CRB1: variants seen among roughly 807,000 people sequenced by gnomAD.
CRB1 encodes crumbs cell polarity complex component 1, also known as protein crumbs homolog 1.
Under a neutral mutation model 120.0 loss-of-function variants are expected in CRB1, and 83 were observed. The observed-to-expected ratio is 0.69, with a 90% CI of 0.58 to 0.83. CRB1 has a LOEUF of 0.83. Ranked by LOEUF, CRB1 falls within the 40% of genes least tolerant of loss-of-function variation. The pLI is 0.00. For synonymous variants in CRB1, 625 were observed against 612.5 expected (o/e 1.02, Z -0.30); for missense variants, 1,699 against 1,687.6 (o/e 1.01, Z -0.12).
intron 5 of CRB1, among the ~76,000 whole-genome samples, chr1:197,363,634 T>G (rs1558083654): frequency 6.6e-6 from 1 of 152,120 alleles, no homozygotes; most frequent in Non-Finnish European, 1.5e-5. Flanking sequence ...AAGGCAGGTT[T>G]GCAGGCTTTT....
chr1:197,202,995 G>A, the CRB1 span, among the ~76,000 whole-genome samples: 1 of 151,994 alleles, frequency 6.6e-6, no homozygotes, highest in African/African-American at 2.4e-5. Flanking sequence ...GTGTGTGTGT[G>A]TGTGACGGAG....
intron 6 of CRB1, chr1:197,422,978 G>A (rs201958103): frequency 1.9e-4 from 29 of 152,118 alleles, no homozygotes; most frequent in Non-Finnish European, 2.6e-4. Context: ...TACAAATCAC[G>A]GACCTGTTTG....
the CRB1 span, among the ~76,000 whole-genome samples, chr1:197,238,331 T>C: frequency 6.6e-6 from 1 of 152,218 alleles, no homozygotes; most frequent in African/African-American, 2.4e-5. Flanking sequence ...CTAATATTAA[T>C]GTTAATCAAT....
chr1:197,226,977 ATC>A, the CRB1 span, among the ~76,000 whole-genome samples: 3 of 152,174 alleles, frequency 2.0e-5, no homozygotes, highest in Admixed American at 6.5e-5. Flanking sequence ...GATTCAAATT[ATC>A]TCCCACCAGG....
the CRB1 span, among the ~76,000 whole-genome samples, chr1:197,202,962 GGTGT>G: frequency 6.1e-5 from 9 of 147,638 alleles, no homozygotes; most frequent in Admixed American, 2.7e-4. Context: ...ATGTCTTTGT[GGTGT>G]GTGTGTGTGT....
At chr1:197,268,951 G>A (rs1654756055) in intron 1 of CRB1, among the ~76,000 whole-genome samples, 1 of 152,192 alleles carries the variant, frequency 6.6e-6, no homozygotes, top group Admixed American at 6.5e-5. Flanking sequence ...TAGTCTCAAT[G>A]TTTCCCAGAG....
the CRB1 span, among the ~76,000 whole-genome samples, chr1:197,218,738 AT>A: frequency 6.6e-6 from 1 of 152,178 alleles, no homozygotes; most frequent in East Asian, 1.9e-4. Context: ...GAGCTAATTT[AT>A]TTTTACATTA....
At chr1:197,309,901 G>C (rs1303127969) in intron 1 of CRB1, among the ~76,000 whole-genome samples, 3 of 152,010 alleles carry the variant, frequency 2.0e-5, no homozygotes, top group African/African-American at 7.2e-5. Flanking sequence ...AATGTAGTTG[G>C]CAACCCTCTT....
chr1:197,434,655 C>A (rs766881896), intron 8 of CRB1, 51 bp from the exon 9 acceptor site: 3 of 1,509,386 alleles, frequency 2.0e-6, no homozygotes, highest in Non-Finnish European at 9.2e-7. Context: ...GGTAATTAAG[C>A]AAACTATAGA....
Position 197,409,307 on chromosome 1 carries a change from C to T in CRB1, c.1172-11693C>T, listed in dbSNP as rs114793645. On this transcript the variant is annotated intron_variant, in intron 5 of 11. Coordinates refer to ENST00000367400, the MANE Select transcript of CRB1 (RefSeq NM_201253.3). ...TGATATTAAGGTTGACAGTGACCCACATAAAAGAGCTTTTGGCATAACACA... is the reference window on the plus strand; with the variant it reads ...TGATATTAAGGTTGACAGTGACCCATATAAAAGAGCTTTTGGCATAACACA... Among the ~76,000 whole-genome samples the T allele has an allele frequency of 8.0e-3, 1,212 of 152,250 alleles. 14 individuals are homozygous for T. Among genetic ancestry groups the T allele is most frequent in the African/African-American group, 0.028 (1,159 of 41,530 alleles).
intron 5 of CRB1, among the ~76,000 whole-genome samples, chr1:197,368,570 A>C (rs1661203771): frequency 6.6e-6 from 1 of 152,224 alleles, no homozygotes; most frequent in East Asian, 1.9e-4. Context: ...ATATTATAGC[A>C]AGGAGGAAAA....
chr1:197,477,364 T>C (rs1438917054), intron 11 of CRB1, among the ~76,000 whole-genome samples: 1 of 152,210 alleles, frequency 6.6e-6, no homozygotes, highest in East Asian at 1.9e-4. Context: ...TGTGGGCTCA[T>C]CTTTTGCCTT....
At chr1:197,327,213 G>A (rs1255365811) in intron 1 of CRB1, among the ~76,000 whole-genome samples, 1 of 151,106 alleles carries the variant, frequency 6.6e-6, no homozygotes, top group Non-Finnish European at 1.5e-5. Flanking sequence ...TGACTCGCTG[G>A]TAAATCTCCT....
intron 2 of CRB1, among the ~76,000 whole-genome samples, chr1:197,341,691 C>T (rs567353530): frequency 4.6e-5 from 7 of 152,204 alleles, no homozygotes; most frequent in Middle Eastern, 3.4e-3. Context: ...TTCTCAACTA[C>T]GAATAGATAA....
chr1:197,264,122 C>T (rs1039448965), upstream of CRB1, among the ~76,000 whole-genome samples: 2 of 152,122 alleles, frequency 1.3e-5, no homozygotes, highest in South Asian at 4.1e-4. Flanking sequence ...TCTATCCCTC[C>T]TCCAACTCCC....
chr1:197,332,259 A>G (rs1658903115), intron 2 of CRB1, among the ~76,000 whole-genome samples: 1 of 152,198 alleles, frequency 6.6e-6, no homozygotes, highest in Non-Finnish European at 1.5e-5. Context: ...GAATTCATTT[A>G]TACTGTAGGT....
At chr1:197,208,093 T>C in the CRB1 span, among the ~76,000 whole-genome samples, 1,190 of 152,250 alleles carry the variant, frequency 7.8e-3, 14 homozygotes, top group African/African-American at 0.024. Context: ...ATTTATACTA[T>C]CTATTTCACT....
intron 5 of CRB1, among the ~76,000 whole-genome samples, chr1:197,416,746 G>A (rs1664024363): frequency 6.6e-6 from 1 of 152,020 alleles, no homozygotes; most frequent in Non-Finnish European, 1.5e-5. Flanking sequence ...GTCTCGCTCT[G>A]TTGCCCCGGC....
At chr1:197,354,538 A>G (rs946199026) in intron 4 of CRB1, among the ~76,000 whole-genome samples, 5 of 151,962 alleles carry the variant, frequency 3.3e-5, no homozygotes, top group Non-Finnish European at 4.4e-5. Flanking sequence ...AGACCTTTGC[A>G]GTGAGTGTTA....
Sources: gnomAD v4.1 joint callset for allele counts (sites outside exome capture counted in the v4.1 genomes callset) on GRCh38, gnomAD v4.1.1 for gene constraint, MANE v1.5 for transcripts, NCBI Gene and HGNC (gene_info 2026-07-23, HGNC 2026-07-21) for gene names.